Variants in ZNF385D observed in about 807,000 individuals in gnomAD.
ZNF385D encodes the protein zinc finger protein 659.
In ZNF385D, 15 loss-of-function variants were observed where a neutral mutation model predicts 35.8. The observed-to-expected ratio is 0.42, with a 90% CI of 0.28 to 0.64. ZNF385D has a LOEUF of 0.64. Among genes scored for constraint, ZNF385D ranks in the 30% least tolerant of loss-of-function variants. The pLI is 0.23. For missense variants in ZNF385D, 474 were observed against 494.6 expected, an observed-to-expected ratio of 0.96 and a Z score of 0.39; for synonymous variants, 212 against 186.8, an observed-to-expected ratio of 1.13 and a Z score of -1.10.
At chr3:21,788,269 A>G (rs1347336852) in intron 3 of ZNF385D, among the ~76,000 whole-genome samples, 2 of 152,254 alleles carry the variant, frequency 1.3e-5, no homozygotes, top group Non-Finnish European at 2.9e-5. Flanking sequence ...ACCTGAGGTC[A>G]GGAGTTGGAG....
At chr3:21,900,053 G>T (rs1394559863) in intron 3 of ZNF385D, among the ~76,000 whole-genome samples, 1 of 152,148 alleles carries the variant, frequency 6.6e-6, no homozygotes, top group African/African-American at 2.4e-5. Flanking sequence ...TTGAGAAACT[G>T]CACTAAGAGT....
At chr3:22,114,765 A>T (rs745875664) in intron 3 of ZNF385D, among the ~76,000 whole-genome samples, 3 of 152,100 alleles carry the variant, frequency 2.0e-5, no homozygotes, top group Non-Finnish European at 4.4e-5. Flanking sequence ...TCCAAAATTC[A>T]TGTTGAAACT....
chr3:21,916,919 A>G (rs960156396), intron 3 of ZNF385D, among the ~76,000 whole-genome samples: 1 of 152,158 alleles, frequency 6.6e-6, no homozygotes, highest in South Asian at 2.1e-4. Flanking sequence ...TTCCAATCCC[A>G]TTCTGTATGT....
At chr3:21,558,989 C>CTTT (rs55997613) in intron 3 of ZNF385D, among the ~76,000 whole-genome samples, 3,798 of 128,746 alleles carry the variant, frequency 0.029, 143 homozygotes, top group African/African-American at 0.064. Context: ...GCAACCCCTG[C>CTTT]TTTTTTTTTT....
intron 3 of ZNF385D, among the ~76,000 whole-genome samples, chr3:21,821,454 G>A (rs780734509): frequency 3.3e-5 from 5 of 151,946 alleles, no homozygotes; most frequent in Non-Finnish European, 7.4e-5. Context: ...ATGATACTTA[G>A]AATTAAAAAA....
intron 3 of ZNF385D, among the ~76,000 whole-genome samples, chr3:21,795,395 GC>G (rs2072104411): frequency 6.6e-6 from 1 of 152,248 alleles, no homozygotes; most frequent in Non-Finnish European, 1.5e-5. Flanking sequence ...CAGACACTTG[GC>G]TGAGGGCGGG....
rs536047583 is a variant in ZNF385D at position 22,334,928 on chromosome 3, T to C, written c.106+37522A>G. ...CTCATATATTTTATTTTCTTCATGA[T>C]AGTTTTCAATATCAATTTTTTCATA... On this transcript the variant is annotated intron_variant, in intron 2 of 5. Coordinates refer to the ZNF385D transcript ENST00000494108. Among the ~76,000 whole-genome samples, 168 of 152,294 alleles carry C rather than the reference T, an allele frequency of 1.1e-3. 1 individual carries two copies. Among genetic ancestry groups the C allele is most frequent in the Non-Finnish European group, 2.0e-3 (138 of 68,006 alleles).
At chr3:21,591,733 T>A (rs2335808) in intron 2 of ZNF385D, among the ~76,000 whole-genome samples, 54,277 of 151,908 alleles carry the variant, frequency 0.36, 10,288 homozygotes, top group Middle Eastern at 0.43. Flanking sequence ...TCCACAAGCT[T>A]CTTTGAGTTA....
chr3:21,867,315 T>C (rs1021364521), intron 3 of ZNF385D, among the ~76,000 whole-genome samples: 6 of 152,098 alleles, frequency 3.9e-5, no homozygotes, highest in Non-Finnish European at 7.4e-5. Context: ...TTTTAACACA[T>C]GAATTTGGAG....
At chr3:21,652,337 T>C (rs1042393134) in intron 2 of ZNF385D, among the ~76,000 whole-genome samples, 2 of 152,164 alleles carry the variant, frequency 1.3e-5, no homozygotes, top group African/African-American at 4.8e-5. Context: ...CTGGGGCATG[T>C]TAGATATGCC....
At chr3:22,118,663 T>G (rs1462741945) in intron 3 of ZNF385D, among the ~76,000 whole-genome samples, 3 of 152,092 alleles carry the variant, frequency 2.0e-5, no homozygotes, top group African/African-American at 7.2e-5. Context: ...AAGAACAGCC[T>G]CTCGATGGTT....
intron 3 of ZNF385D, among the ~76,000 whole-genome samples, chr3:22,102,595 T>A (rs1050224335): frequency 2.6e-5 from 4 of 151,982 alleles, no homozygotes; most frequent in Non-Finnish European, 5.9e-5. Context: ...ACTGGCCAAA[T>A]GAGGCATAGG....
chr3:22,037,529 C>T (rs2125496758), intron 3 of ZNF385D, among the ~76,000 whole-genome samples: 1 of 152,192 alleles, frequency 6.6e-6, no homozygotes, highest in South Asian at 2.1e-4. Flanking sequence ...AGTGTCTGTT[C>T]ATATCCTTCA....
chr3:21,853,023 G>T (rs1364424892), intron 3 of ZNF385D, among the ~76,000 whole-genome samples: 2 of 146,332 alleles, frequency 1.4e-5, no homozygotes, highest in Non-Finnish European at 3.0e-5. Context: ...GATTTCCTTT[G>T]CATGTAGTAA....
intron 2 of ZNF385D, among the ~76,000 whole-genome samples, chr3:21,602,819 C>T (rs890843933): frequency 6.6e-6 from 1 of 152,002 alleles, no homozygotes; most frequent in African/African-American, 2.4e-5. Flanking sequence ...AGGCGTGAGC[C>T]ACCGCGCCCG....
intron 2 of ZNF385D, among the ~76,000 whole-genome samples, chr3:21,662,807 C>T (rs940293899): frequency 7.2e-5 from 11 of 152,178 alleles, no homozygotes; most frequent in Admixed American, 1.3e-4. Flanking sequence ...CTTTTGCAAT[C>T]AGTTAGACAA....
At chr3:22,270,091 G>A (rs1202789971) in intron 2 of ZNF385D, among the ~76,000 whole-genome samples, 1 of 151,792 alleles carries the variant, frequency 6.6e-6, no homozygotes, top group Non-Finnish European at 1.5e-5. Flanking sequence ...TGATCCATGA[G>A]CCCTACTTTA....
chr3:22,129,680 A>G (rs1179099935), intron 3 of ZNF385D, among the ~76,000 whole-genome samples: 1 of 151,320 alleles, frequency 6.6e-6, no homozygotes, highest in Non-Finnish European at 1.5e-5. Context: ...CTTTAGTCAT[A>G]AAGTGGTGAC....
intron 3 of ZNF385D, among the ~76,000 whole-genome samples, chr3:21,774,749 C>T (rs1429048953): frequency 6.6e-6 from 1 of 151,824 alleles, no homozygotes; most frequent in East Asian, 1.9e-4. Flanking sequence ...TTTTGGCTTT[C>T]CCAGTTCAGT....
Sources: gnomAD v4.1 joint callset for allele counts (sites outside exome capture counted in the v4.1 genomes callset) on GRCh38, gnomAD v4.1.1 for gene constraint, MANE v1.5 for transcripts, NCBI Gene and HGNC (gene_info 2026-07-23, HGNC 2026-07-21) for gene names.